Variants in KDM1A observed in about 807,000 individuals in gnomAD.
KDM1A encodes lysine-specific histone demethylase 1A.
A neutral mutation model predicts 109.4 loss-of-function variants in KDM1A; 49 were observed. That is an observed-to-expected ratio of 0.45 (90% confidence interval 0.36 to 0.57). The LOEUF (loss-of-function observed/expected upper bound fraction) is 0.57. Ranked by LOEUF, KDM1A falls within the 20% of genes least tolerant of loss-of-function variation. The pLI is 0.00. For synonymous variants in KDM1A, 380 were observed against 415.4 expected (o/e 0.91, Z 1.04); for missense variants, 668 against 1,116.6 (o/e 0.60, Z 5.73).
intron 11 of KDM1A, 124 bp downstream of exon 11, chr1:23,068,805 T>G (rs1410439071): frequency 1.2e-6 from 1 of 820,070 alleles, no homozygotes; most frequent in East Asian, 3.0e-5. Context: ...ATGAAACCAT[T>G]GAATCCAAAG....
chr1:23,047,198 A>G (rs193153311), intron 3 of KDM1A, among the ~76,000 whole-genome samples: 1 of 146,262 alleles, frequency 6.8e-6, no homozygotes, highest in Non-Finnish European at 1.5e-5. Flanking sequence ...ATTAACATAC[A>G]TTTTTTTTTT....
At chr1:23,059,266 TAGAG>T in intron 9 of KDM1A, 99 bp downstream of exon 9, 15 of 808,090 alleles carry the variant, frequency 1.9e-5, no homozygotes, top group Non-Finnish European at 2.8e-5. Context: ...TATACACATA[TAGAG>T]GTGTATATAT....
At chr1:23,035,456 C>G (rs781081922) in intron 2 of KDM1A, among the ~76,000 whole-genome samples, 4 of 152,080 alleles carry the variant, frequency 2.6e-5, no homozygotes, top group Admixed American at 6.6e-5. Context: ...CCTGCCTCAG[C>G]CTCCCAAAGT....
Position 23,053,850 on chromosome 1 carries a change from T to C in KDM1A, c.790+11T>C. On this transcript the variant is annotated intron_variant, in intron 5 of 20. Coordinates refer to ENST00000400181, the MANE Select transcript of KDM1A (RefSeq NM_001009999.3). ...AAGCACCTTATAACAGTAAGTAGTG[T>C]GTTCAATAGGACTAATTTGTACTGG... is the stretch of plus-strand genomic sequence containing the variant. The C allele has an allele frequency of 7.0e-7, 1 of 1,438,748 alleles. No individual in the cohort carries two copies. The highest frequency in any genetic ancestry group is 9.8e-7 in the Non-Finnish European group (1 of 1,020,396). 89.1% of individuals were successfully genotyped at this position (1,438,748 alleles called of 1,614,324 possible). A position where few individuals can be genotyped will look rare whatever the true frequency, so the allele number is the denominator to read the frequency against.
At chr1:23,064,108 C>A (rs1051214257) in intron 9 of KDM1A, among the ~76,000 whole-genome samples, 4 of 152,188 alleles carry the variant, frequency 2.6e-5, no homozygotes, top group African/African-American at 9.7e-5. Flanking sequence ...AGGCTGGTCT[C>A]AAACTCCTGG....
In KDM1A at chr1:23,082,358, G is replaced by A. The variant is rs1367036786; in HGVS notation, c.2437G>A (p.Ala813Thr). The A allele has an allele frequency of 1.9e-6, 3 of 1,612,190 alleles. No individual in the cohort carries two copies. The highest frequency in any genetic ancestry group is 2.5e-6 in the Non-Finnish European group (3 of 1,179,178). ...CACTCCTGGCCCCTCGATTCCAGGT[G>A]CCCCACAGGTGAGAAGCTGGCAAAC... ...PITPGPSIPG[A>T]PQPIPRLFFA... The change falls in exon 20 of 21, where the codon GCC (alanine) becomes ACC (threonine). Residue 813 changes from alanine (A) to threonine (T), a missense_variant. Ala to Thr is a moderately conservative substitution (Grantham distance 58). Around this residue, in one of 8 missense-constraint regions of KDM1A, gnomAD observed 69 missense variants for 99.6 expected, o/e 0.69. Transcript: ENST00000400181.
At chr1:23,027,461 C>G (rs1458588142) in intron 1 of KDM1A, among the ~76,000 whole-genome samples, 3 of 134,134 alleles carry the variant, frequency 2.2e-5, no homozygotes, top group Non-Finnish European at 4.6e-5. Flanking sequence ...GTCACGCAGG[C>G]TGGAGTGCAG....
chr1:23,050,099 G>T (rs1642622067), intron 3 of KDM1A, among the ~76,000 whole-genome samples: 1 of 152,164 alleles, frequency 6.6e-6, no homozygotes, highest in Non-Finnish European at 1.5e-5. Flanking sequence ...CCTGTCAGTA[G>T]TGCTAATTTT....
In KDM1A at chr1:23,019,972, C is replaced by G. The variant is rs529480156; in HGVS notation, c.351+25C>G. ...GGTAAGGCTCGACCCTTCCCTCAAACGACACCGCCTGGTGCCGAGCTTCCC... is the reference window on the plus strand; with the variant it reads ...GGTAAGGCTCGACCCTTCCCTCAAAGGACACCGCCTGGTGCCGAGCTTCCC... On this transcript the variant is annotated intron_variant, in intron 1 of 20. Transcript: ENST00000400181. 58 of 1,490,310 alleles carry G rather than the reference C, an allele frequency of 3.9e-5. 1 individual carries two copies. In the East Asian group the frequency reaches 1.4e-3, roughly 36 times the overall value. 92.3% of individuals were successfully genotyped at this position (1,490,310 alleles called of 1,614,324 possible).
At chr1:23,036,316 C>G (rs945905546) in intron 2 of KDM1A, among the ~76,000 whole-genome samples, 1 of 151,926 alleles carries the variant, frequency 6.6e-6, no homozygotes, top group Non-Finnish European at 1.5e-5. Context: ...TCATTCCTGA[C>G]GGGGTTGTCT....
intron 10 of KDM1A, 46 bp from the exon 11 acceptor site, chr1:23,068,493 T>C (rs1387675639): frequency 2.0e-5 from 30 of 1,486,500 alleles, no homozygotes; most frequent in Non-Finnish European, 2.5e-5. Flanking sequence ...TGGATGGTTA[T>C]GTTTAGTTTT....
intron 10 of KDM1A, 120 bp downstream of exon 10, chr1:23,066,191 G>C (rs938792869): frequency 4.1e-6 from 3 of 727,106 alleles, no homozygotes; most frequent in Non-Finnish European, 4.6e-6. Context: ...ACACTGGTTT[G>C]TTGTTGTAGA....
Position 23,077,236 on chromosome 1 carries a change from CTT to C in KDM1A, c.1745_1746del (p.Phe582Ter). 1 of 1,613,686 alleles carries C rather than the reference CTT, an allele frequency of 6.2e-7. No homozygotes were observed. The highest frequency in any genetic ancestry group is 8.5e-7 in the Non-Finnish European group (1 of 1,179,768). ...TTTTCTCTCCTCTTTAGGATGATGACTTTGAGTTCACTGGCAGCCACCTGACA... is the reference window on the plus strand; with the variant it reads ...TTTTCTCTCCTCTTTAGGATGATGACTGAGTTCACTGGCAGCCACCTGACA... Reference protein sequence around the residue: ...SLKHWDQDDDFEFTGSHLTVR... With the variant: ...SLKHWDQDDDXEFTGSHLTVR... On this transcript the variant is annotated frameshift_variant, in exon 16 of 21. Coordinates refer to ENST00000400181, the MANE Select transcript of KDM1A (RefSeq NM_001009999.3). LOFTEE classifies it high-confidence loss of function.
chr1:23,032,894 G>A (rs1368298000), intron 2 of KDM1A, among the ~76,000 whole-genome samples: 2 of 152,124 alleles, frequency 1.3e-5, no homozygotes, highest in Non-Finnish European at 2.9e-5. Flanking sequence ...GAAGATATAG[G>A]TTTGTTTCGT....
chr1:23,051,715 C>T (rs1642675818), intron 4 of KDM1A, among the ~76,000 whole-genome samples: 1 of 152,156 alleles, frequency 6.6e-6, no homozygotes, highest in Non-Finnish European at 1.5e-5. Flanking sequence ...TGGTACAACG[C>T]AGAAGAAATT....
chr1:23,078,547 T>C (rs1643532265), intron 16 of KDM1A, among the ~76,000 whole-genome samples: 1 of 152,216 alleles, frequency 6.6e-6, no homozygotes, highest in Non-Finnish European at 1.5e-5. Context: ...TTAGGCTGCA[T>C]CCCCCAGATC....
chr1:23,072,157 C>G lies in KDM1A; in HGVS notation c.1582C>G (p.Leu528Val). The change falls in exon 14 of 21, where the codon CTA becomes GTA. Residue 528 changes from leucine to valine, a missense_variant. By Grantham distance (32) the Leu-to-Val change is conservative. Around this residue, in one of 8 missense-constraint regions of KDM1A, gnomAD observed 162 missense variants for 376.4 expected, o/e 0.43. Coordinates refer to ENST00000400181, the MANE Select transcript of KDM1A (RefSeq NM_001009999.3). ...YDELAETQGK[L>V]EEKLQELEAN... ...TGAATTAGCTGAAACACAAGGAAAG[C>G]TAGAAGAAAAACTTCAGGAGTTGGA... 6.2e-7 allele frequency: 1 copy of G among 1,611,192 alleles called. No homozygotes were observed. Among genetic ancestry groups the G allele is most frequent in the Non-Finnish European group, 8.5e-7 (1 of 1,178,474 alleles).
intron 2 of KDM1A, among the ~76,000 whole-genome samples, chr1:23,041,634 C>T (rs1422884621): frequency 2.6e-5 from 4 of 151,256 alleles, no homozygotes; most frequent in East Asian, 2.0e-4. Context: ...GTAGAGACAG[C>T]GTTTCACCAT....
intron 2 of KDM1A, among the ~76,000 whole-genome samples, chr1:23,031,078 C>T (rs902646000): frequency 8.5e-5 from 13 of 152,174 alleles, no homozygotes; most frequent in African/African-American, 9.7e-5. Flanking sequence ...AAAACTTCCA[C>T]GGTGTGGATC....
Sources: gnomAD v4.1 joint callset for allele counts (sites outside exome capture counted in the v4.1 genomes callset) on GRCh38, gnomAD v4.1.1 for gene constraint, gnomAD v4.1.1 regional missense constraint, MANE v1.5 for transcripts, NCBI Gene and HGNC (gene_info 2026-07-23, HGNC 2026-07-21) for gene names.